PGCKA1: variants seen among roughly 807,000 people sequenced by gnomAD.
PGCKA1 encodes the protein PDCD10 and GCKIII kinases-associated protein 1.
chr4:37,569,216 A>G, the PGCKA1 span, among the ~76,000 whole-genome samples: 1 of 147,904 alleles, frequency 6.8e-6, no homozygotes, highest in African/African-American at 2.6e-5. Context: ...TTTTATTTTG[A>G]GATGGAGTTT....
the PGCKA1 span, among the ~76,000 whole-genome samples, chr4:37,494,351 G>T: frequency 6.6e-6 from 1 of 151,992 alleles, no homozygotes; most frequent in East Asian, 1.9e-4. Flanking sequence ...TCATCATTTA[G>T]CTCCCACTTA....
At chr4:37,502,508 C>T in the PGCKA1 span, among the ~76,000 whole-genome samples, 1 of 152,118 alleles carries the variant, frequency 6.6e-6, no homozygotes. Context: ...GATGCAGGCA[C>T]AGGGTGCTGG....
At chr4:37,505,197 G>A in the PGCKA1 span, among the ~76,000 whole-genome samples, 2 of 152,184 alleles carry the variant, frequency 1.3e-5, no homozygotes, top group African/African-American at 4.8e-5. Context: ...CCTTCGTTCT[G>A]TTGATATGAT....
chr4:37,531,891 C>CAAA, the PGCKA1 span, among the ~76,000 whole-genome samples: 11 of 70,796 alleles, frequency 1.6e-4, no homozygotes, highest in South Asian at 4.5e-4. Context: ...GAATCTGTCT[C>CAAA]AAAAAAAAAA....
At chr4:37,505,227 G>A in the PGCKA1 span, among the ~76,000 whole-genome samples, 6 of 152,130 alleles carry the variant, frequency 3.9e-5, no homozygotes, top group African/African-American at 7.2e-5. Flanking sequence ...TGGTTAATTT[G>A]CACATTTTAA....
chr4:37,561,661 G>A, the PGCKA1 span, among the ~76,000 whole-genome samples: 103 of 152,248 alleles, frequency 6.8e-4, no homozygotes, highest in African/African-American at 2.3e-3. Context: ...TACTGCAGTC[G>A]ACAATCATAA....
At chr4:37,530,941 T>C in the PGCKA1 span, among the ~76,000 whole-genome samples, 3 of 151,424 alleles carry the variant, frequency 2.0e-5, no homozygotes, top group African/African-American at 7.3e-5. Context: ...GCCGAGAGAG[T>C]GCCACTGCAC....
At chr4:37,459,444 T>C in the PGCKA1 span, among the ~76,000 whole-genome samples, 2 of 152,204 alleles carry the variant, frequency 1.3e-5, no homozygotes, top group East Asian at 3.9e-4. Flanking sequence ...ATATTCCCAT[T>C]ATACAAGGGA....
chr4:37,481,464 C>CAAAAAAAAAAAAAAA, the PGCKA1 span, among the ~76,000 whole-genome samples: 63 of 61,360 alleles, frequency 1.0e-3, 6 homozygotes, highest in Non-Finnish European at 1.4e-3. Context: ...GACCTGTCTC[C>CAAAAAAAAAAAAAAA]AAAAAAAAAA....
the PGCKA1 span, among the ~76,000 whole-genome samples, chr4:37,484,400 A>G: frequency 6.6e-6 from 1 of 152,164 alleles, no homozygotes; most frequent in African/African-American, 2.4e-5. Flanking sequence ...TGGGGAAACC[A>G]TCCCCATGAT....
chr4:37,493,285 A>G, the PGCKA1 span, among the ~76,000 whole-genome samples: 4 of 152,198 alleles, frequency 2.6e-5, no homozygotes, highest in African/African-American at 9.7e-5. Context: ...AACAACATGT[A>G]ATTATCTGTT....
At chr4:37,553,075 G>T in the PGCKA1 span, among the ~76,000 whole-genome samples, 1 of 151,234 alleles carries the variant, frequency 6.6e-6, no homozygotes, top group South Asian at 2.1e-4. Context: ...GTTGCAGTGG[G>T]ATTACATTTT....
At chr4:37,474,312 A>G in the PGCKA1 span, among the ~76,000 whole-genome samples, 1 of 152,100 alleles carries the variant, frequency 6.6e-6, no homozygotes, top group Non-Finnish European at 1.5e-5. Context: ...AGGACCTCAT[A>G]TAAAATAAAA....
chr4:37,552,214 T>A, the PGCKA1 span, among the ~76,000 whole-genome samples: 15 of 152,240 alleles, frequency 9.9e-5, no homozygotes, highest in African/African-American at 3.6e-4. Flanking sequence ...ATTGTGAAAC[T>A]GCCTGCTGTG....
the PGCKA1 span, among the ~76,000 whole-genome samples, chr4:37,540,064 G>A: frequency 6.6e-6 from 1 of 152,202 alleles, no homozygotes; most frequent in South Asian, 2.1e-4. Context: ...AGTTGTATGT[G>A]TATTGTATAG....
chr4:37,497,016 A>G, the PGCKA1 span, among the ~76,000 whole-genome samples: 1 of 152,000 alleles, frequency 6.6e-6, no homozygotes, highest in Non-Finnish European at 1.5e-5. Flanking sequence ...GATTTGTGAG[A>G]TCCTGGTGCA....
the PGCKA1 span, among the ~76,000 whole-genome samples, chr4:37,543,378 A>G: frequency 1.3e-5 from 2 of 152,150 alleles, no homozygotes; most frequent in African/African-American, 4.8e-5. Flanking sequence ...GTGGATTACC[A>G]TTATATTTCC....
the PGCKA1 span, among the ~76,000 whole-genome samples, chr4:37,519,509 T>C: frequency 5.3e-5 from 8 of 152,210 alleles, no homozygotes; most frequent in African/African-American, 1.7e-4. Flanking sequence ...CCTAGGTATT[T>C]ACTTGTTTTT....
the PGCKA1 span, among the ~76,000 whole-genome samples, chr4:37,517,037 G>A: frequency 6.6e-6 from 1 of 152,024 alleles, no homozygotes. Flanking sequence ...GATCACCTGA[G>A]GTCAGGAGTT....
Sources: gnomAD v4.1 joint callset for allele counts (sites outside exome capture counted in the v4.1 genomes callset) on GRCh38, gnomAD v4.1.1 for gene constraint, MANE v1.5 for transcripts, NCBI Gene and HGNC (gene_info 2026-07-23, HGNC 2026-07-21) for gene names.